DCAF10: variants seen among roughly 807,000 people sequenced by gnomAD.
DCAF10 encodes DDB1- and CUL4-associated factor 10.
Under a neutral mutation model 51.9 loss-of-function variants are expected in DCAF10, and 19 were observed. The observed-to-expected ratio is 0.37, with a 90% CI of 0.26 to 0.54. The LOEUF is 0.54. DCAF10 is among the 20% of genes least tolerant of loss of function. The pLI is 0.87. For missense variants in DCAF10, 510 were observed against 730.6 expected, an observed-to-expected ratio of 0.70 and a Z score of 3.48; for synonymous variants, 291 against 297.1, an observed-to-expected ratio of 0.98 and a Z score of 0.21.
intron 1 of DCAF10, among the ~76,000 whole-genome samples, chr9:37,816,910 T>A (rs1359464473): frequency 6.6e-6 from 1 of 152,170 alleles, no homozygotes; most frequent in Non-Finnish European, 1.5e-5. Flanking sequence ...CCTGACATGG[T>A]ATATATAAAA....
chr9:37,813,487 T>C (rs1164210377), intron 1 of DCAF10, among the ~76,000 whole-genome samples: 1 of 152,238 alleles, frequency 6.6e-6, no homozygotes, highest in Non-Finnish European at 1.5e-5. Flanking sequence ...ACTCAAAGAT[T>C]GCTAGTAGTT....
chr9:37,813,520 G>A (rs1438692783), intron 1 of DCAF10, among the ~76,000 whole-genome samples: 1 of 152,206 alleles, frequency 6.6e-6, no homozygotes, highest in Admixed American at 6.5e-5. Flanking sequence ...ATTTGACTGA[G>A]ACAATGATTG....
At chr9:37,810,718 T>C (rs1224590688) in intron 1 of DCAF10, among the ~76,000 whole-genome samples, 1 of 152,130 alleles carries the variant, frequency 6.6e-6, no homozygotes, top group Non-Finnish European at 1.5e-5. Context: ...TGCCTCGGCC[T>C]CCCAAAGTGC....
chr9:37,861,088 T>C lies in DCAF10; in HGVS notation c.1312-52T>C. 1.9e-6 allele frequency: 3 copies of C among 1,547,696 alleles called. No homozygotes were observed. Among genetic ancestry groups the C allele is most frequent in the Non-Finnish European group, 2.6e-6 (3 of 1,146,760 alleles). ...GCTTTTTAAAAATAAGGAATATCTGTAGCACTATTTGGGCTCTGTAACCTT... is the reference window on the plus strand; with the variant it reads ...GCTTTTTAAAAATAAGGAATATCTGCAGCACTATTTGGGCTCTGTAACCTT... On this transcript the variant is annotated intron_variant, in intron 6 of 6. Transcript: ENST00000377724. This position sits in a 1 kb window ranked among gnomAD's most constrained non-coding sequence, Gnocchi z 4.9.
upstream of DCAF10, chr9:37,800,696 C>A: frequency 1.3e-6 from 2 of 1,535,956 alleles, no homozygotes; most frequent in East Asian, 4.9e-5. Context: ...GCGCCCCAAA[C>A]CCGGCGGTGT....
chr9:37,854,573 A>G (rs191090398), intron 3 of DCAF10, among the ~76,000 whole-genome samples: 22 of 152,256 alleles, frequency 1.4e-4, no homozygotes, highest in African/African-American at 4.8e-4. Flanking sequence ...ATTTTATAAT[A>G]TACTGTATCT....
At chr9:37,850,041 A>T (rs925873083) in intron 3 of DCAF10, among the ~76,000 whole-genome samples, 1 of 152,216 alleles carries the variant, frequency 6.6e-6, no homozygotes, top group African/African-American at 2.4e-5. Context: ...GCTGGGCAAG[A>T]GATTGACACC....
chr9:37,805,431 C>T (rs944852246), intron 1 of DCAF10, among the ~76,000 whole-genome samples: 1 of 152,068 alleles, frequency 6.6e-6, no homozygotes, highest in Non-Finnish European at 1.5e-5. Flanking sequence ...TTGCAGTGAG[C>T]GGAGATCACA....
intron 2 of DCAF10, among the ~76,000 whole-genome samples, chr9:37,830,723 A>G (rs1051645986): frequency 6.6e-6 from 1 of 152,240 alleles, no homozygotes; most frequent in African/African-American, 2.4e-5. Context: ...TCTTAGAAAG[A>G]TAAGACTTGT....
chr9:37,808,642 A>ATATAT (rs375876219), intron 1 of DCAF10, among the ~76,000 whole-genome samples: 86,692 of 99,616 alleles, frequency 0.87, 37,928 homozygotes, highest in Non-Finnish European at 0.89. Context: ...TAATATAAAA[A>ATATAT]TATATAATAT....
At chr9:37,807,019 AT>A (rs1416950183) in intron 1 of DCAF10, among the ~76,000 whole-genome samples, 1 of 152,214 alleles carries the variant, frequency 6.6e-6, no homozygotes, top group African/African-American at 2.4e-5. Context: ...TCAATAAATT[AT>A]TTTTGTGACT....
rs918707967 is a variant in DCAF10, at chr9:37,864,595, A to C, written c.*3087A>C. 1 of 148,930 alleles carries C rather than the reference A, an allele frequency of 6.7e-6. No homozygotes were observed. The highest frequency in any genetic ancestry group is 2.5e-5 in the African/African-American group (1 of 40,078). The allele number at this position is 148,930 out of a possible 1,614,324, so 9.2% of individuals were successfully genotyped here. A position where few individuals can be genotyped will look rare whatever the true frequency, so the allele number is the denominator to read the frequency against. ...CGAGACTCTGCCTCAAAAAAAAAAA[A>C]AAAAATAAAATAAAATAAAATTAGT... On this transcript the variant is annotated 3_prime_UTR_variant, in exon 7 of 7. Coordinates refer to ENST00000377724, the MANE Select transcript of DCAF10 (RefSeq NM_024345.5).
At chr9:37,848,059 A>G (rs1025944815) in intron 3 of DCAF10, among the ~76,000 whole-genome samples, 1 of 152,220 alleles carries the variant, frequency 6.6e-6, no homozygotes, top group African/African-American at 2.4e-5. Context: ...TTAATTAATA[A>G]CAAGTATTGG....
intron 1 of DCAF10, among the ~76,000 whole-genome samples, chr9:37,814,439 C>T (rs962606948): frequency 6.0e-5 from 9 of 150,670 alleles, no homozygotes; most frequent in African/African-American, 2.2e-4. Context: ...TGAGCCACCA[C>T]GCCTGGCCTT....
chr9:37,855,889 G>A (rs1180311603), intron 4 of DCAF10, among the ~76,000 whole-genome samples: 2 of 152,086 alleles, frequency 1.3e-5, no homozygotes, highest in Non-Finnish European at 2.9e-5. Flanking sequence ...AGTGGCTCAC[G>A]TTTGTAATCC....
chr9:37,814,119 TATATA>T (rs1829448240), intron 1 of DCAF10, among the ~76,000 whole-genome samples: 1 of 88,292 alleles, frequency 1.1e-5, no homozygotes, highest in African/African-American at 4.6e-5. Flanking sequence ...TATATATATA[TATATA>T]TATTTGTTGT....
chr9:37,847,253 C>CAAAAAAAAAAAAAAAA (rs78089886), intron 3 of DCAF10, among the ~76,000 whole-genome samples: 1 of 32,948 alleles, frequency 3.0e-5, no homozygotes, highest in African/African-American at 9.8e-5. Flanking sequence ...AACTCCATCT[C>CAAAAAAAAAAAAAAAA]AAAAAAAAAA....
At position 37,819,412 on chromosome 9, in the gene DCAF10, T is replaced by C. The variant is rs559850513; in HGVS notation, c.653+11T>C. 1.6e-5 allele frequency: 26 copies of C among 1,601,092 alleles called. No homozygotes were observed. The Middle Eastern group carries it at 8.4e-4, about 52-fold the overall frequency. ...TGTAAATAATATCAGGTTAGTATTA[T>C]AGTGAAAAAGTGAACTTTATCAGTG... On this transcript the variant is annotated intron_variant, in intron 2 of 6. Coordinates refer to ENST00000377724, the MANE Select transcript of DCAF10 (RefSeq NM_024345.5).
At chr9:37,844,376 T>TGTG (rs1830418006) in intron 3 of DCAF10, among the ~76,000 whole-genome samples, 1 of 151,754 alleles carries the variant, frequency 6.6e-6, no homozygotes, top group Non-Finnish European at 1.5e-5. Context: ...TTAGGCCACG[T>TGTG]GTGGTGGCTC....
Sources: gnomAD v4.1 joint callset for allele counts (sites outside exome capture counted in the v4.1 genomes callset) on GRCh38, gnomAD v4.1.1 for gene constraint, Gnocchi (gnomAD v3.1) non-coding constraint, MANE v1.5 for transcripts, NCBI Gene and HGNC (gene_info 2026-07-23, HGNC 2026-07-21) for gene names.